The following ZNF730 variants were observed in gnomAD, a reference collection of about 807,000 sequenced individuals.
ZNF730 encodes zinc finger protein 730, also known as putative zinc finger protein 730.
Under a neutral mutation model 12.6 loss-of-function variants are expected in ZNF730, and 12 were observed. The observed-to-expected ratio is 0.95, with a 90% CI of 0.61 to 1.54. The LOEUF (loss-of-function observed/expected upper bound fraction) is 1.54, where lower values mean the gene tolerates loss of function less well. Ranked by LOEUF, ZNF730 falls within the 40% of genes most tolerant of loss-of-function variation. The pLI is 0.00. For missense variants in ZNF730, 643 were observed against 583.5 expected (o/e 1.10, Z -1.05); for synonymous variants, 194 against 195.8 (o/e 0.99, Z 0.08).
chr19:23,075,693 G>C (rs560753945), intron 1 of ZNF730, among the ~76,000 whole-genome samples: 68 of 152,300 alleles, frequency 4.5e-4, no homozygotes, highest in Admixed American at 7.8e-4. Context: ...GACTAGGTGT[G>C]TGCGTGGGAG....
At chr19:23,106,224 G>C (rs1002703345) in intron 1 of ZNF730, among the ~76,000 whole-genome samples, 1 of 151,322 alleles carries the variant, frequency 6.6e-6, no homozygotes, top group African/African-American at 2.4e-5. Context: ...AAGAGGAGGA[G>C]GAAGGAAAAG....
chr19:23,135,464 C>T (rs548816921), intron 2 of ZNF730, among the ~76,000 whole-genome samples: 3 of 151,716 alleles, frequency 2.0e-5, no homozygotes, highest in East Asian at 3.9e-4. Context: ...AAATTAAGAA[C>T]CTATAAAATT....
chr19:23,093,366 A>G (rs1970189872), intron 1 of ZNF730, among the ~76,000 whole-genome samples: 1 of 152,148 alleles, frequency 6.6e-6, no homozygotes, highest in Admixed American at 6.5e-5. Context: ...CTTTCTTCCC[A>G]TGGGGACTCA....
At chr19:23,106,970 C>T (rs1970399767) in intron 1 of ZNF730, among the ~76,000 whole-genome samples, 1 of 151,918 alleles carries the variant, frequency 6.6e-6, no homozygotes, top group African/African-American at 2.4e-5. Flanking sequence ...TACACACACG[C>T]ATAGTAATTA....
intron 1 of ZNF730, among the ~76,000 whole-genome samples, chr19:23,078,309 C>G (rs910848165): frequency 6.6e-6 from 1 of 151,380 alleles, no homozygotes; most frequent in African/African-American, 2.4e-5. Context: ...ATATTATTCC[C>G]TGGGCAATGG....
chr19:23,134,340 TCCCCTG>T, intron 2 of ZNF730, 134 bp downstream of exon 2: 1 of 757,526 alleles, frequency 1.3e-6, no homozygotes, highest in Non-Finnish European at 1.9e-6. Flanking sequence ...TCAGGATTTG[TCCCCTG>T]CCCCTCTGCC....
At chr19:23,110,433 TG>T (rs1310030493) in intron 1 of ZNF730, among the ~76,000 whole-genome samples, 3 of 141,804 alleles carry the variant, frequency 2.1e-5, no homozygotes, top group Admixed American at 7.3e-5. Flanking sequence ...TGCACCACCA[TG>T]CCTGGCTAAT....
intron 1 of ZNF730, among the ~76,000 whole-genome samples, chr19:23,131,948 C>A (rs1970748190): frequency 6.6e-6 from 1 of 152,174 alleles, no homozygotes; most frequent in African/African-American, 2.4e-5. Flanking sequence ...CTCATCTTTG[C>A]ACTAAAGGGT....
At chr19:23,098,799 G>C (rs2145521369) in intron 1 of ZNF730, among the ~76,000 whole-genome samples, 1 of 152,178 alleles carries the variant, frequency 6.6e-6, no homozygotes, top group Admixed American at 6.5e-5. Flanking sequence ...GGTACTTTCT[G>C]TCAACAAGTA....
At chr19:23,107,655 A>G (rs1969548722) in intron 1 of ZNF730, among the ~76,000 whole-genome samples, 1 of 151,072 alleles carries the variant, frequency 6.6e-6, no homozygotes, top group African/African-American at 2.4e-5. Context: ...TGAATTAATG[A>G]TTTCCACGTA....
chr19:23,108,023 A>G (rs1186547208), intron 1 of ZNF730, among the ~76,000 whole-genome samples: 2 of 152,168 alleles, frequency 1.3e-5, no homozygotes, highest in Non-Finnish European at 2.9e-5. Context: ...TACTCAGTAT[A>G]TATGGAACTG....
chr19:23,104,103 C>G (rs903793443), intron 1 of ZNF730, among the ~76,000 whole-genome samples: 2 of 151,908 alleles, frequency 1.3e-5, no homozygotes, highest in African/African-American at 2.4e-5. Flanking sequence ...GAGTTCAGAT[C>G]GAGACCATCC....
chr19:23,135,507 C>CTTTATTTTTT (rs1970816146), intron 2 of ZNF730, among the ~76,000 whole-genome samples: 1 of 151,654 alleles, frequency 6.6e-6, no homozygotes, highest in African/African-American at 2.4e-5. Flanking sequence ...AATTTCTTTT[C>CTTTATTTTTT]TTTATTTTTT....
intron 1 of ZNF730, among the ~76,000 whole-genome samples, chr19:23,106,637 C>T (rs999249991): frequency 6.6e-6 from 1 of 151,718 alleles, no homozygotes; most frequent in African/African-American, 2.4e-5. Flanking sequence ...ACAAAAAACA[C>T]AAAATTAGCT....
At chr19:23,102,536 C>T (rs908428156) in intron 1 of ZNF730, among the ~76,000 whole-genome samples, 2 of 151,204 alleles carry the variant, frequency 1.3e-5, no homozygotes, top group Admixed American at 1.3e-4. Context: ...TGCTCTGTCG[C>T]CCAGGCTGGA....
chr19:23,140,384 C>A (rs907268897), intron 3 of ZNF730, among the ~76,000 whole-genome samples: 1 of 151,316 alleles, frequency 6.6e-6, no homozygotes, highest in Admixed American at 6.6e-5. Flanking sequence ...CCAAGGTGGG[C>A]AGATCACTTG....
chr19:23,137,503 A>G (rs1970851753), intron 3 of ZNF730, among the ~76,000 whole-genome samples: 1 of 152,212 alleles, frequency 6.6e-6, no homozygotes, highest in Non-Finnish European at 1.5e-5. Context: ...TTTTTTATAT[A>G]TAAAGTCAAA....
At chr19:23,114,254 A>G (rs1054130341), upstream of ZNF730, among the ~76,000 whole-genome samples, 10 of 151,502 alleles carry the variant, frequency 6.6e-5, no homozygotes, top group Admixed American at 2.6e-4. Flanking sequence ...TCTTTGCCCA[A>G]TAAAACTCTG....
chr19:23,116,562 A>G (rs1197336524), upstream of ZNF730, among the ~76,000 whole-genome samples: 1 of 111,874 alleles, frequency 8.9e-6, no homozygotes, highest in Admixed American at 1.0e-4. Context: ...GCGCGCCACT[A>G]CTCCCAGCTA....
Sources: gnomAD v4.1 joint callset for allele counts (sites outside exome capture counted in the v4.1 genomes callset) on GRCh38, gnomAD v4.1.1 for gene constraint, MANE v1.5 for transcripts, NCBI Gene and HGNC (gene_info 2026-07-23, HGNC 2026-07-21) for gene names.